The following PLPPR4 variants were observed in gnomAD, a reference collection of about 807,000 sequenced individuals.
PLPPR4 encodes the protein phospholipid phosphatase-related protein type 4.
Under a neutral mutation model 56.6 loss-of-function variants are expected in PLPPR4, and 24 were observed. The ratio of observed to expected loss-of-function variants is 0.42; its 90% CI spans 0.31 to 0.60. The LOEUF (loss-of-function observed/expected upper bound fraction) is 0.60, where lower values mean the gene tolerates loss of function less well. PLPPR4 is among the 20% of genes least tolerant of loss of function. The pLI is 0.13. For synonymous variants in PLPPR4, 326 were observed against 328.1 expected, an observed-to-expected ratio of 0.99 and a Z score of 0.07; for missense variants, 654 against 885.8, an observed-to-expected ratio of 0.74 and a Z score of 3.32.
intron 1 of PLPPR4, among the ~76,000 whole-genome samples, chr1:99,287,336 G>A (rs1409220142): frequency 6.6e-6 from 1 of 152,126 alleles, no homozygotes; most frequent in Admixed American, 6.6e-5. Context: ...ATTGTAAACA[G>A]TGCTGCAATA....
intron 1 of PLPPR4, among the ~76,000 whole-genome samples, chr1:99,277,447 TAGTC>T (rs1431400700): frequency 6.6e-6 from 1 of 152,194 alleles, no homozygotes; most frequent in Non-Finnish European, 1.5e-5. Flanking sequence ...GTGTTGTTAA[TAGTC>T]AGTCCTCTTC....
intron 6 of PLPPR4, among the ~76,000 whole-genome samples, chr1:99,305,115 T>C (rs1344852349): frequency 6.6e-6 from 1 of 152,196 alleles, no homozygotes; most frequent in Non-Finnish European, 1.5e-5. Flanking sequence ...GTTTTTGCCC[T>C]GTCTTCCAAG....
At chr1:99,265,141 CCTG>C (rs1331215867) in intron 1 of PLPPR4, among the ~76,000 whole-genome samples, 1 of 39,364 alleles carries the variant, frequency 2.5e-5, no homozygotes, top group Non-Finnish European at 4.3e-5. Context: ...TTTTATTGCT[CCTG>C]CCCCCCCCCC....
chr1:99,296,984 T>C (rs1208118150), intron 3 of PLPPR4, 117 bp downstream of exon 3: 2 of 1,088,874 alleles, frequency 1.8e-6, no homozygotes, highest in South Asian at 2.9e-5. Context: ...TTTCAGTACA[T>C]GATGAGTTTT....
intron 1 of PLPPR4, among the ~76,000 whole-genome samples, chr1:99,269,245 G>A (rs1044179220): frequency 1.3e-5 from 2 of 152,204 alleles, no homozygotes; most frequent in East Asian, 1.9e-4. Flanking sequence ...TCCCTGCAAA[G>A]GACATGAAGT....
intron 1 of PLPPR4, among the ~76,000 whole-genome samples, chr1:99,281,845 T>C (rs1325445879): frequency 6.6e-6 from 1 of 152,232 alleles, no homozygotes; most frequent in Non-Finnish European, 1.5e-5. Flanking sequence ...TTAAATGTGT[T>C]ATTAATATTA....
upstream of PLPPR4, chr1:99,264,116 C>T (rs1658829033): frequency 3.2e-6 from 1 of 314,394 alleles, no homozygotes; most frequent in African/African-American, 2.2e-5. Flanking sequence ...TCTTTAATAG[C>T]ATTCCTAGAG....
intron 2 of PLPPR4, among the ~76,000 whole-genome samples, chr1:99,288,928 CTAAA>C (rs969888483): frequency 4.3e-4 from 66 of 152,034 alleles, no homozygotes; most frequent in African/African-American, 1.6e-3. Context: ...AAATAAATAA[CTAAA>C]TAAATAAAAT....
At chr1:99,296,694 G>T (rs968066043) in intron 2 of PLPPR4, 44 bp from the exon 3 acceptor site, 7 of 1,506,666 alleles carry the variant, frequency 4.6e-6, no homozygotes, top group Non-Finnish European at 5.4e-6. Flanking sequence ...GGCTTAATAG[G>T]TATTCCAACA....
intron 6 of PLPPR4, among the ~76,000 whole-genome samples, chr1:99,303,235 G>A (rs1239038685): frequency 6.6e-6 from 1 of 152,110 alleles, no homozygotes; most frequent in African/African-American, 2.4e-5. Context: ...AGTGGAAGTG[G>A]AAGGTGGGGG....
At chr1:99,298,579 T>C (rs950563846) in intron 3 of PLPPR4, among the ~76,000 whole-genome samples, 21 of 152,264 alleles carry the variant, frequency 1.4e-4, no homozygotes, top group African/African-American at 4.8e-4. Context: ...TGATCACAGC[T>C]TGAAGAGAAT....
At chr1:99,268,648 T>C (rs1362881954) in intron 1 of PLPPR4, among the ~76,000 whole-genome samples, 1 of 152,184 alleles carries the variant, frequency 6.6e-6, no homozygotes, top group Non-Finnish European at 1.5e-5. Context: ...AATACGATGA[T>C]TTTTAGTTTT....
chr1:99,283,502 A>T (rs893865045), intron 1 of PLPPR4, among the ~76,000 whole-genome samples: 1 of 152,176 alleles, frequency 6.6e-6, no homozygotes, highest in African/African-American at 2.4e-5. Context: ...ATTTTAAAAC[A>T]CCTTTCTTTT....
rs868364102 is a variant in PLPPR4, at chr1:99,296,759, C to G, written c.286C>G (p.Leu96Val). ...AITIMVGEGI[L>V]YCCLSKRRNG... The stretch of plus-strand genomic sequence containing the variant: ...GCAGATTATGGTAGGAGAAGGAATT[C>G]TCTACTGTTGCCTCTCCAAAAGAAG... The change falls in exon 3 of 7, where the codon CTC becomes GTC. Residue 96 changes from leucine to valine, a missense_variant. Leu to Val is a conservative substitution (Grantham distance 32, BLOSUM62 1). Transcript: ENST00000370185. The G allele has an allele frequency of 1.9e-6, 3 of 1,602,148 alleles. No homozygotes were observed. The highest frequency in any genetic ancestry group is 2.6e-6 in the Non-Finnish European group (3 of 1,172,198).
At chr1:99,304,768 A>C (rs1659976841) in intron 6 of PLPPR4, among the ~76,000 whole-genome samples, 1 of 152,216 alleles carries the variant, frequency 6.6e-6, no homozygotes, top group Admixed American at 6.5e-5. Flanking sequence ...AATAGTAGAC[A>C]GTGGTTACCG....
intron 1 of PLPPR4, among the ~76,000 whole-genome samples, chr1:99,284,757 C>T (rs1018755822): frequency 6.6e-6 from 1 of 151,856 alleles, no homozygotes; most frequent in Non-Finnish European, 1.5e-5. Context: ...ATATTAATGA[C>T]AAATTACTTT....
At chr1:99,295,365 AT>A (rs979764575) in intron 2 of PLPPR4, among the ~76,000 whole-genome samples, 2 of 152,190 alleles carry the variant, frequency 1.3e-5, no homozygotes, top group East Asian at 3.8e-4. Flanking sequence ...CTGTCATTAG[AT>A]TTTTTAAAAA....
intron 2 of PLPPR4, among the ~76,000 whole-genome samples, chr1:99,294,070 C>T (rs190931794): frequency 6.6e-6 from 1 of 151,120 alleles, no homozygotes; most frequent in Admixed American, 6.6e-5. Context: ...AATTCTGACA[C>T]CATACCTCAG....
chr1:99,301,023 A>G, intron 5 of PLPPR4, 57 bp downstream of exon 5: 1 of 1,469,870 alleles, frequency 6.8e-7, no homozygotes, highest in Non-Finnish European at 9.5e-7. Flanking sequence ...TGAGGAATGA[A>G]TGTTGTCTCC....
Sources: gnomAD v4.1 joint callset for allele counts (sites outside exome capture counted in the v4.1 genomes callset) on GRCh38, gnomAD v4.1.1 for gene constraint, MANE v1.5 for transcripts, NCBI Gene and HGNC (gene_info 2026-07-23, HGNC 2026-07-21) for gene names.